TAOK2: variants seen among roughly 807,000 people sequenced by gnomAD.
The protein encoded by TAOK2 is TAO kinase 2, also known as serine/threonine-protein kinase TAO2.
Under a neutral mutation model 122.5 loss-of-function variants are expected in TAOK2, and 42 were observed. The observed-to-expected ratio is 0.34, with a 90% CI of 0.27 to 0.44. The LOEUF is 0.44. TAOK2 is among the 20% of genes least tolerant of loss of function. The pLI, the probability that TAOK2 is intolerant of heterozygous loss-of-function variation, is 1.00. For synonymous variants in TAOK2, 704 were observed against 677.6 expected (o/e 1.04, Z -0.61); for missense variants, 1,264 against 1,644.9 (o/e 0.77, Z 4.01).
downstream of TAOK2, chr16:29,990,921 G>C: frequency 6.2e-7 from 1 of 1,613,540 alleles, no homozygotes; most frequent in Non-Finnish European, 8.5e-7. Flanking sequence ...AGCTGCGGGA[G>C]CTGGAGCAGA....
downstream of TAOK2, chr16:29,990,534 G>A (rs2069941593): frequency 3.0e-6 from 1 of 336,780 alleles, no homozygotes; most frequent in East Asian, 4.6e-5. Context: ...CTTATTGGTG[G>A]ACATTTAGGT....
At chr16:29,978,379 G>C in intron 4 of TAOK2, 26 bp downstream of exon 4, 1 of 1,606,906 alleles carries the variant, frequency 6.2e-7, no homozygotes, top group Non-Finnish European at 8.5e-7. Flanking sequence ...ATTCTGGCCT[G>C]ATCTTTACTC....
At chr16:29,977,951 A>G (rs1348976012) in intron 2 of TAOK2, 47 bp downstream of exon 2, 2 of 1,613,652 alleles carry the variant, frequency 1.2e-6, no homozygotes, top group Non-Finnish European at 1.7e-6. Flanking sequence ...GACTCTTCCT[A>G]TCCCTGTGGA....
rs1183142474 is a variant in TAOK2, at chr16:29,984,820, G to A, written c.1423-393G>A. ...TCCGAACTTACCCCACAGCCCCTAT[G>A]AGGAGGTATTATTTCCCCATTTAAC... On this transcript the variant is annotated intron_variant, in intron 13 of 15. Transcript: ENST00000308893. Among the ~76,000 whole-genome samples the A allele has an allele frequency of 2.0e-5, 3 of 152,164 alleles. No individual in the cohort carries two copies. In the East Asian group the frequency reaches 5.8e-4, roughly 29 times the overall value.
At chr16:29,991,472 T>C, downstream of TAOK2, 2 of 1,491,776 alleles carry the variant, frequency 1.3e-6, no homozygotes, top group Non-Finnish European at 8.9e-7. The surrounding 1 kb of genome is among the most constrained non-coding windows in gnomAD (Gnocchi z 5.6). Flanking sequence ...GCAGTGAGAA[T>C]GTGGGCCCCC....
At chr16:29,982,941 G>T in intron 11 of TAOK2, 40 bp downstream of exon 11, 1 of 1,609,966 alleles carries the variant, frequency 6.2e-7, no homozygotes, top group Non-Finnish European at 8.5e-7. Flanking sequence ...TATACCCCAT[G>T]TGTGCCTGCC....
chr16:29,981,962 A>C (rs1210041708), intron 10 of TAOK2, 22 bp downstream of exon 10: 10 of 1,591,564 alleles, frequency 6.3e-6, no homozygotes, highest in Non-Finnish European at 8.6e-6. Context: ...CTGGCCTAGC[A>C]TTCTCCTGGA....
At chr16:29,983,807 T>C (rs890090347) in intron 13 of TAOK2, 143 bp downstream of exon 13, 24 of 1,301,736 alleles carry the variant, frequency 1.8e-5, no homozygotes, top group African/African-American at 3.0e-5. Context: ...CCTGCTCCCC[T>C]TAACCCTCCT....
chr16:29,987,720 G>T lies in TAOK2; in HGVS notation c.3448G>T (p.Val1150Phe), dbSNP rs1322987636. 3.7e-6 allele frequency: 6 copies of T among 1,614,112 alleles called. No homozygotes were observed. Among genetic ancestry groups the T allele is most frequent in the Non-Finnish European group, 5.1e-6 (6 of 1,179,970 alleles). ...ACACCCATTAGCTCTGTTGGCAAGG[G>T]TCTGGGTCCTGTGCAAGGGCTGGAA... The part of the protein sequence containing the change: ...TQHPLALLAR[V>F]WVLCKGWNWR... The change falls in exon 16 of 16, where the codon GTC becomes TTC. Residue 1150 changes from valine to phenylalanine, a missense_variant. Physicochemically the swap from Val to Phe is conservative, Grantham distance 50 (BLOSUM62 -1). Coordinates refer to ENST00000308893, the MANE Select transcript of TAOK2 (RefSeq NM_016151.4).
In TAOK2 at chr16:29,986,351, G is replaced by A. The variant is rs2069792102; in HGVS notation, c.2079G>A (p.Arg693=). The A allele has an allele frequency of 1.3e-6, 2 of 1,586,734 alleles. No individual in the cohort carries two copies. Among genetic ancestry groups the A allele is most frequent in the East Asian group, 4.5e-5 (2 of 44,378 alleles). The change falls in exon 16 of 16, where the codon CGG becomes CGA. Residue 693 remains arginine (R), a synonymous_variant. Transcript: ENST00000308893. This position sits in a 1 kb window ranked among gnomAD's most constrained non-coding sequence, Gnocchi z 4.2. ...AGGCCACGCGGGAGCTGGAGCTGCG[G>A]CAGCTCCAGGCCGTGCAGCGCACGC... is the stretch of plus-strand genomic sequence containing the variant. ...QHEATRELEL[R]QLQAVQRTRA... is the part of the protein sequence containing the mutation.
At chr16:29,988,449 C>G, downstream of TAOK2, 1 of 1,256,742 alleles carries the variant, frequency 8.0e-7, no homozygotes, top group Non-Finnish European at 1.0e-6. Flanking sequence ...CTAGCCTCCC[C>G]GGTATGCCCC....
At chr16:29,978,376 C>T in intron 4 of TAOK2, 23 bp downstream of exon 4, 8 of 1,611,010 alleles carry the variant, frequency 5.0e-6, no homozygotes, top group Admixed American at 1.7e-5. Flanking sequence ...CAGATTCTGG[C>T]CTGATCTTTA....
In TAOK2 at chr16:29,985,288, C is replaced by T; in HGVS notation, c.1498C>T (p.Arg500Ter). Residue 500 changes from arginine to a stop codon, truncating the protein, a stop_gained, in exon 14 of 16, where the codon CGA becomes TGA. Transcript: ENST00000308893. LOFTEE classifies it high-confidence loss of function. This position sits in a 1 kb window ranked among gnomAD's most constrained non-coding sequence, Gnocchi z 6.9. ...GCTGAGCGGCTATAAGCGGATGCGACGACAGCACCAGAAGCAGCTGCTGGC... is the reference window on the plus strand; with the variant it reads ...GCTGAGCGGCTATAAGCGGATGCGATGACAGCACCAGAAGCAGCTGCTGGC... ...EQLSGYKRMR[R>*]QHQKQLLALE... The T allele has an allele frequency of 6.3e-7, 1 of 1,599,780 alleles. No homozygotes were observed. Among genetic ancestry groups the T allele is most frequent in the Non-Finnish European group, 8.5e-7 (1 of 1,171,668 alleles).
downstream of TAOK2, chr16:29,989,017 C>T: frequency 1.0e-6 from 1 of 985,404 alleles, no homozygotes; most frequent in Non-Finnish European, 1.2e-6. Flanking sequence ...CCTTCTTACC[C>T]ATTTCTCAGC....
Position 29,978,082 on chromosome 16 carries a change from C to T in TAOK2, c.133-7C>T, listed in dbSNP as rs767713022. On this transcript the variant is annotated splice_polypyrimidine_tract_variant and splice_region_variant and intron_variant, in intron 2 of 15. Coordinates refer to ENST00000308893, the MANE Select transcript of TAOK2 (RefSeq NM_016151.4). ...GGCCTTCAACACCTTCTGGTCTGGT[C>T]CTCTAGGCCCGGGATGTCCGGAATA... The T allele has an allele frequency of 6.2e-7, 1 of 1,613,944 alleles. No homozygotes were observed. The highest frequency in any genetic ancestry group is 8.5e-7 in the Non-Finnish European group (1 of 1,179,998).
rs764793598 is a variant in TAOK2, at chr16:29,981,772, G to A, written c.749+18G>A. ...GGACACTGGTGAGGACTGAGATTCC[G>A]AATCTGGGCCCAGGCGTTAGGCCAT... On this transcript the variant is annotated intron_variant, in intron 9 of 15. Coordinates refer to ENST00000308893, the MANE Select transcript of TAOK2 (RefSeq NM_016151.4). The A allele has an allele frequency of 9.3e-6, 15 of 1,613,768 alleles. No homozygotes were observed. The highest frequency in any genetic ancestry group is 4.5e-5 in the East Asian group (2 of 44,880).
chr16:29,989,553 C>G, downstream of TAOK2: 1 of 1,610,438 alleles, frequency 6.2e-7, no homozygotes, highest in Non-Finnish European at 8.5e-7. Context: ...CCTCCTCTTC[C>G]CCGCTGCCCC....
In TAOK2 at chr16:29,987,543, C is replaced by T. The variant is rs1382519704; in HGVS notation, c.3271C>T (p.Arg1091Cys). 8.7e-6 allele frequency: 14 copies of T among 1,612,012 alleles called. No homozygotes were observed. Among genetic ancestry groups the T allele is most frequent in the South Asian group, 3.3e-5 (3 of 90,900 alleles). ...TCGACTCTGGTTGCGGGTTCTGCTG[C>T]GCCTGTCACCCATGGCCTTCCGGGC... Reference protein sequence around the residue: ...ISRLWLRVLLRLSPMAFRALQ... With the variant: ...ISRLWLRVLLCLSPMAFRALQ... The change falls in exon 16 of 16, where the codon CGC becomes TGC. Residue 1091 changes from arginine (R) to cysteine (C), a missense_variant. By Grantham distance (180) the Arg-to-Cys change is radical. Coordinates refer to ENST00000308893, the MANE Select transcript of TAOK2 (RefSeq NM_016151.4).
At chr16:29,978,414 G>A (rs2150884105) in intron 4 of TAOK2, 61 bp downstream of exon 4, 1 of 1,551,786 alleles carries the variant, frequency 6.4e-7, no homozygotes, top group Non-Finnish European at 8.9e-7. Context: ...CCTTATCGTA[G>A]TCCAGTCTCT....
Sources: allele counts gnomAD v4.1 joint callset (sites outside exome capture counted in the v4.1 genomes callset), GRCh38; gene constraint gnomAD v4.1.1; non-coding constraint Gnocchi (gnomAD v3.1); transcripts MANE v1.5; gene names NCBI Gene and HGNC (gene_info 2026-07-23, HGNC 2026-07-21).